Variants in NDUFAF2 observed in about 807,000 individuals in gnomAD.
NDUFAF2 encodes the protein NADH:ubiquinone oxidoreductase complex assembly factor 2, also known as NADH dehydrogenase [ubiquinone] 1 alpha subcomplex assembly factor 2.
A neutral mutation model predicts 22.8 loss-of-function variants in NDUFAF2; 13 were observed. The ratio of observed to expected loss-of-function variants is 0.57; its 90% CI spans 0.37 to 0.91. NDUFAF2 has a LOEUF of 0.91. Ranked by LOEUF, NDUFAF2 falls within the 40% of genes least tolerant of loss-of-function variation. NDUFAF2 has a pLI of 0.01. For synonymous variants in NDUFAF2, 53 were observed against 64.2 expected (o/e 0.83, Z 0.84); for missense variants, 162 against 195.2 (o/e 0.83, Z 1.01).
chr5:60,994,480 G>T (rs574013627), intron 1 of NDUFAF2, among the ~76,000 whole-genome samples: 1 of 152,326 alleles, frequency 6.6e-6, no homozygotes, highest in Non-Finnish European at 1.5e-5. Context: ...GCTTCTGCAG[G>T]GTCTGTGGAG....
In NDUFAF2 at chr5:61,152,777, T is replaced by G. The variant is rs1741263769; in HGVS notation, c.332T>G (p.Leu111Arg). The change falls in exon 4 of 4, where the codon CTC becomes CGC. Residue 111 changes from leucine to arginine, a missense_variant. Around this residue, in one of 2 missense-constraint regions of NDUFAF2, gnomAD observed 68 missense variants for 110.0 expected, o/e 0.62. Transcript: ENST00000296597. ...KSQDFYEKEK[L>R]LSKETSEELL... ...CAAGATTTTTATGAAAAAGAAAAAC[T>G]CCTTAGTAAAGAGACCAGTGAGGAA... 3 of 1,590,956 alleles carry G rather than the reference T, an allele frequency of 1.9e-6. No individual in the cohort carries two copies. Among genetic ancestry groups the G allele is most frequent in the Non-Finnish European group, 1.7e-6 (2 of 1,168,964 alleles).
intron 3 of NDUFAF2, among the ~76,000 whole-genome samples, chr5:61,136,037 A>ATATATATATATATATC (rs1561136700): frequency 2.1e-5 from 2 of 94,668 alleles, no homozygotes; most frequent in African/African-American, 4.0e-5. Flanking sequence ...ATATATATAT[A>ATATATATATATATATC]TATATCTAGG....
At chr5:61,148,198 C>T (rs1046133916) in intron 3 of NDUFAF2, among the ~76,000 whole-genome samples, 1 of 152,320 alleles carries the variant, frequency 6.6e-6, no homozygotes, top group Middle Eastern at 3.4e-3. Flanking sequence ...TGGGTTCCCC[C>T]ACCCTGTGTA....
chr5:61,057,126 A>G (rs1355213171), intron 1 of NDUFAF2, among the ~76,000 whole-genome samples: 1 of 151,312 alleles, frequency 6.6e-6, no homozygotes, highest in Non-Finnish European at 1.5e-5. Context: ...CTTGATGACA[A>G]GTGAATTGGA....
intron 3 of NDUFAF2, among the ~76,000 whole-genome samples, chr5:61,119,612 C>T (rs1449425172): frequency 6.6e-6 from 1 of 152,122 alleles, no homozygotes; most frequent in Non-Finnish European, 1.5e-5. Flanking sequence ...AGCATTTCTA[C>T]CTCCCCAAAG....
At chr5:61,133,780 G>A (rs1168285676) in intron 3 of NDUFAF2, among the ~76,000 whole-genome samples, 3 of 152,088 alleles carry the variant, frequency 2.0e-5, no homozygotes, top group Non-Finnish European at 2.9e-5. Context: ...CATTCATTTC[G>A]CAAATATGTG....
At chr5:60,971,075 T>G (rs139173318) in intron 1 of NDUFAF2, among the ~76,000 whole-genome samples, 1 of 151,862 alleles carries the variant, frequency 6.6e-6, no homozygotes, top group African/African-American at 2.4e-5. Flanking sequence ...TGGCTGAAAA[T>G]TTTGGGTCAT....
chr5:61,089,342 A>G (rs1001315976), intron 2 of NDUFAF2, among the ~76,000 whole-genome samples: 13 of 152,146 alleles, frequency 8.5e-5, no homozygotes, highest in African/African-American at 3.1e-4. Context: ...CACCACATAA[A>G]TATCACTAGC....
intron 1 of NDUFAF2, among the ~76,000 whole-genome samples, chr5:61,041,829 A>G (rs1334228592): frequency 6.6e-6 from 1 of 152,190 alleles, no homozygotes; most frequent in African/African-American, 2.4e-5. Context: ...GAAGATTTTA[A>G]GGGCTACTTA....
intron 1 of NDUFAF2, among the ~76,000 whole-genome samples, chr5:61,061,794 T>C (rs1752168592): frequency 6.6e-6 from 1 of 152,172 alleles, no homozygotes; most frequent in African/African-American, 2.4e-5. Flanking sequence ...GATCTGACAC[T>C]GAGAGAGATC....
intron 1 of NDUFAF2, among the ~76,000 whole-genome samples, chr5:60,992,860 G>A (rs1751178826): frequency 6.6e-6 from 1 of 152,118 alleles, no homozygotes; most frequent in Non-Finnish European, 1.5e-5. Flanking sequence ...CTCCTGTCCT[G>A]TAAGGTTTTC....
At chr5:60,966,931 G>A (rs1750765275) in intron 1 of NDUFAF2, among the ~76,000 whole-genome samples, 1 of 152,032 alleles carries the variant, frequency 6.6e-6, no homozygotes, top group Non-Finnish European at 1.5e-5. Flanking sequence ...AGATTGCATA[G>A]GGTAGTATGA....
At chr5:61,134,719 TC>T (rs1016476132) in intron 3 of NDUFAF2, among the ~76,000 whole-genome samples, 2 of 149,518 alleles carry the variant, frequency 1.3e-5, no homozygotes, top group Admixed American at 6.7e-5. Flanking sequence ...AGAAATTAAT[TC>T]CCCCCCCAAA....
At chr5:61,061,094 G>A (rs140147836) in intron 1 of NDUFAF2, among the ~76,000 whole-genome samples, 42 of 152,202 alleles carry the variant, frequency 2.8e-4, no homozygotes, top group African/African-American at 9.9e-4. Context: ...CCCTAGGAAG[G>A]CAGTATTTGT....
chr5:61,016,400 C>T (rs1751511945), intron 1 of NDUFAF2, among the ~76,000 whole-genome samples: 1 of 151,992 alleles, frequency 6.6e-6, no homozygotes, highest in African/African-American at 2.4e-5. Flanking sequence ...CAAAGAAATC[C>T]TGTTGGATGA....
chr5:60,992,672 G>A (rs917947622), intron 1 of NDUFAF2, among the ~76,000 whole-genome samples: 1 of 151,882 alleles, frequency 6.6e-6, no homozygotes, highest in Non-Finnish European at 1.5e-5. Context: ...TGTCCTTTTT[G>A]ATAGAAGTAT....
intron 1 of NDUFAF2, among the ~76,000 whole-genome samples, chr5:61,039,201 A>T (rs1052366398): frequency 2.0e-5 from 3 of 151,354 alleles, no homozygotes; most frequent in Non-Finnish European, 2.9e-5. Flanking sequence ...AGTGCTGAGG[A>T]CCCATCAGAT....
At chr5:61,101,553 A>C (rs1473035506) in intron 3 of NDUFAF2, among the ~76,000 whole-genome samples, 1 of 152,096 alleles carries the variant, frequency 6.6e-6, no homozygotes, top group Non-Finnish European at 1.5e-5. Flanking sequence ...TTCCTGGTGC[A>C]CTTCATCATG....
At chr5:61,008,733 C>T (rs1751405535) in intron 1 of NDUFAF2, among the ~76,000 whole-genome samples, 1 of 151,976 alleles carries the variant, frequency 6.6e-6, no homozygotes, top group Non-Finnish European at 1.5e-5. Flanking sequence ...TGACAGAACC[C>T]GAATGTAAAC....
Sources: gnomAD v4.1 joint callset for allele counts (sites outside exome capture counted in the v4.1 genomes callset) on GRCh38, gnomAD v4.1.1 for gene constraint, gnomAD v4.1.1 regional missense constraint, MANE v1.5 for transcripts, NCBI Gene and HGNC (gene_info 2026-07-23, HGNC 2026-07-21) for gene names.